The following TEAD2 variants were observed in gnomAD, a reference collection of about 807,000 sequenced individuals.
TEAD2 encodes TEA domain transcription factor 2, also known as transcriptional enhancer factor TEF-4.
In TEAD2, 51 loss-of-function variants were observed where a neutral mutation model predicts 61.4. The observed-to-expected ratio is 0.83, with a 90% CI of 0.66 to 1.05. The LOEUF is 1.05. Among genes scored for constraint, TEAD2 ranks in the 50% least tolerant of loss-of-function variants. The probability of loss-of-function intolerance (pLI) is 0.00; values close to 1 mark genes in which losing one functional copy is unlikely to be tolerated. For missense variants in TEAD2, 509 were observed against 600.0 expected (o/e 0.85, Z 1.58); for synonymous variants, 244 against 243.2 (o/e 1.00, Z -0.03).
At position 49,359,475 on chromosome 19, in the gene TEAD2, T is replaced by C; in HGVS notation, c.257A>G (p.Tyr86Cys). 2 of 1,614,102 alleles carry C rather than the reference T, an allele frequency of 1.2e-6. No homozygotes were observed. The highest frequency in any genetic ancestry group is 8.5e-7 in the Non-Finnish European group (1 of 1,180,012). ...GGTCTTCCCCGTTCTCAGCTTGATG[T>C]AGCGGGCGATCAGTTCATTCCGACC... is the stretch of plus-strand genomic sequence containing the variant. ...MYGRNELIAR[Y>C]IKLRTGKTRT... The change falls in exon 3 of 13, where the codon TAC (tyrosine) becomes TGC (cysteine). Residue 86 changes from tyrosine (Y) to cysteine (C), a missense_variant. Coordinates refer to ENST00000593945, the MANE Select transcript of TEAD2 (RefSeq NM_001256660.2). The surrounding 1 kb of genome is among the most constrained non-coding windows in gnomAD (Gnocchi z 4.1).
At chr19:49,348,922 C>T in intron 8 of TEAD2, 77 bp from the exon 9 acceptor site, 3 of 1,422,620 alleles carry the variant, frequency 2.1e-6, no homozygotes, top group East Asian at 5.4e-5. Context: ...CTCTTGCCTG[C>T]CTCCACTTAG....
intron 4 of TEAD2, among the ~76,000 whole-genome samples, chr19:49,356,698 A>G (rs1389937238): frequency 6.6e-6 from 1 of 152,134 alleles, no homozygotes; most frequent in Non-Finnish European, 1.5e-5. Flanking sequence ...GGACAGGAGC[A>G]GAGGGAAGGG....
intron 8 of TEAD2, among the ~76,000 whole-genome samples, chr19:49,350,750 C>G (rs1568568829): frequency 6.6e-6 from 1 of 152,134 alleles, no homozygotes; most frequent in Admixed American, 6.6e-5. Context: ...AGTGGCAGAA[C>G]ACAAACCCAG....
At chr19:49,348,078 C>T (rs886791494) in intron 9 of TEAD2, among the ~76,000 whole-genome samples, 1 of 152,222 alleles carries the variant, frequency 6.6e-6, no homozygotes, top group Non-Finnish European at 1.5e-5. Flanking sequence ...CTTCCTCCAT[C>T]TGCTGGCCAG....
rs770464952 is a variant in TEAD2 at position 49,343,426 on chromosome 19, C to G, written c.922-28G>C. ...GGGAGATGGGAAGGCACAGATGAGT[C>G]AGAGGGGACATCCCTTATAAACAGT... On this transcript the variant is annotated intron_variant, in intron 10 of 12. Transcript: ENST00000593945. The G allele has an allele frequency of 2.5e-6, 4 of 1,579,802 alleles. No homozygotes were observed. The Admixed American group carries it at 5.3e-5, about 21-fold the overall frequency.
At chr19:49,354,940 G>A (rs1972274564) in intron 7 of TEAD2, among the ~76,000 whole-genome samples, 1 of 152,224 alleles carries the variant, frequency 6.6e-6, no homozygotes, top group Non-Finnish European at 1.5e-5. Context: ...GGAGGTTGCA[G>A]TGAGCCGAGA....
intron 9 of TEAD2, 64 bp from the exon 10 acceptor site, chr19:49,347,427 G>T: frequency 1.9e-6 from 3 of 1,566,354 alleles, no homozygotes; most frequent in Non-Finnish European, 2.6e-6. Context: ...TGTGCTGCCT[G>T]AGCCCACCAA....
At chr19:49,350,140 C>T (rs750705182) in intron 8 of TEAD2, among the ~76,000 whole-genome samples, 2 of 152,136 alleles carry the variant, frequency 1.3e-5, no homozygotes, top group African/African-American at 2.4e-5. Context: ...CAGAAGCCAT[C>T]TTTGCTGCCA....
chr19:49,348,623 A>C, intron 9 of TEAD2, 80 bp downstream of exon 9: 1 of 1,324,734 alleles, frequency 7.5e-7, no homozygotes, highest in East Asian at 2.3e-5. Context: ...AAAGTTTTAA[A>C]ACCATGACTT....
intron 11 of TEAD2, 70 bp from the exon 12 acceptor site, chr19:49,342,660 T>A (rs1305414776): frequency 1.3e-6 from 2 of 1,573,800 alleles, no homozygotes; most frequent in Non-Finnish European, 1.7e-6. Flanking sequence ...GGAATTGAGC[T>A]CCACCCTGTG....
chr19:49,341,528 CA>C lies in TEAD2; in HGVS notation c.1243-92del. 2.9e-6 allele frequency: 3 copies of C among 1,027,536 alleles called. No homozygotes were observed. Among genetic ancestry groups the C allele is most frequent in the Non-Finnish European group, 4.4e-6 (3 of 676,090 alleles). The allele number at this position is 1,027,536 out of a possible 1,614,324, so 63.7% of individuals were successfully genotyped here. A position where few individuals can be genotyped will look rare whatever the true frequency, so the allele number is the denominator to read the frequency against. On this transcript the variant is annotated intron_variant, in intron 12 of 12. Coordinates refer to ENST00000593945, the MANE Select transcript of TEAD2 (RefSeq NM_001256660.2). This position sits in a 1 kb window ranked among gnomAD's most constrained non-coding sequence, Gnocchi z 4.2. ...TGCCAAGCTATCATGGAATACCCAGCAGGCTCTTTTCCATCTCCAGGAAACA... is the reference window on the plus strand; with the variant it reads ...TGCCAAGCTATCATGGAATACCCAGCGGCTCTTTTCCATCTCCAGGAAACA...
chr19:49,359,399 C>T lies in TEAD2; in HGVS notation c.297+36G>A. On this transcript the variant is annotated intron_variant, in intron 3 of 12. Coordinates refer to ENST00000593945, the MANE Select transcript of TEAD2 (RefSeq NM_001256660.2). This position sits in a 1 kb window ranked among gnomAD's most constrained non-coding sequence, Gnocchi z 4.1. ...GAGGATGACCCTAAGAAGACCGGCCCATCCCAGACAGAAGCCCACAAGTCC... is the reference window on the plus strand; with the variant it reads ...GAGGATGACCCTAAGAAGACCGGCCTATCCCAGACAGAAGCCCACAAGTCC... The T allele has an allele frequency of 6.2e-7, 1 of 1,609,808 alleles. No individual in the cohort carries two copies. The highest frequency in any genetic ancestry group is 8.5e-7 in the Non-Finnish European group (1 of 1,176,416).
At chr19:49,357,503 C>T (rs1247040240) in intron 3 of TEAD2, 189 bp from the exon 4 acceptor site, 2 of 650,878 alleles carry the variant, frequency 3.1e-6, no homozygotes, top group African/African-American at 3.6e-5. Flanking sequence ...ACACCACGGA[C>T]CCTCCCGGGA....
At chr19:49,358,133 C>T (rs12709914) in intron 3 of TEAD2, among the ~76,000 whole-genome samples, 40,355 of 152,148 alleles carry the variant, frequency 0.27, 5,619 homozygotes, top group South Asian at 0.45. Flanking sequence ...ACTCAGGAGG[C>T]TGAAGCAAGA....
At chr19:49,349,055 TCTTC>T in intron 8 of TEAD2, 1 of 491,782 alleles carries the variant, frequency 2.0e-6, no homozygotes, top group Non-Finnish European at 3.3e-6. Context: ...GGAAGGAGTT[TCTTC>T]CTGAATGAAA....
intron 10 of TEAD2, 117 bp from the exon 11 acceptor site, chr19:49,343,515 G>A (rs999366301): frequency 2.6e-5 from 32 of 1,208,004 alleles, no homozygotes; most frequent in South Asian, 1.3e-4. Context: ...CGAGGCGGGC[G>A]GATCACCTGA....
chr19:49,355,349 G>T lies in TEAD2; in HGVS notation c.443C>A (p.Pro148His), dbSNP rs1286610524. Residue 148 changes from proline (P) to histidine (H), a missense_variant, in exon 6 of 13, where the codon CCT becomes CAT. Pro to His is a moderately conservative substitution (Grantham distance 77, BLOSUM62 -2). Transcript: ENST00000593945. ...TMSSAQLISA[P>H]SLQAKLGPTG... ...GGGACCCAGTTTGGCCTGCAGAGAA[G>T]GCGCGGAGATGAGCTGGGCAGAGGA... 1 of 1,614,204 alleles carries T rather than the reference G, an allele frequency of 6.2e-7. No individual in the cohort carries two copies. The highest frequency in any genetic ancestry group is 2.2e-5 in the East Asian group (1 of 44,880).
intron 9 of TEAD2, 104 bp from the exon 10 acceptor site, chr19:49,347,467 A>G (rs1971727971): frequency 7.3e-7 from 1 of 1,369,966 alleles, no homozygotes; most frequent in South Asian, 1.3e-5. Flanking sequence ...AGCTCTGGCC[A>G]GCTGTTCCAC....
At chr19:49,348,134 G>A (rs7246894) in intron 9 of TEAD2, among the ~76,000 whole-genome samples, 1,600 of 151,920 alleles carry the variant, frequency 0.011, 28 homozygotes, top group African/African-American at 0.036. Flanking sequence ...GAAAATGGCA[G>A]AGCCACAAAA....
Sources: gnomAD v4.1 joint callset for allele counts (sites outside exome capture counted in the v4.1 genomes callset) on GRCh38, gnomAD v4.1.1 for gene constraint, Gnocchi (gnomAD v3.1) non-coding constraint, MANE v1.5 for transcripts, NCBI Gene and HGNC (gene_info 2026-07-23, HGNC 2026-07-21) for gene names.